Variants in YES1 observed in about 807,000 individuals in gnomAD.
YES1 encodes tyrosine-protein kinase Yes.
In YES1, 39 loss-of-function variants were observed where a neutral mutation model predicts 70.4. The ratio of observed to expected loss-of-function variants is 0.55; its 90% CI spans 0.43 to 0.72. YES1 has a LOEUF of 0.72. YES1 is among the 30% of genes least tolerant of loss of function. YES1 has a pLI of 0.00. For synonymous variants in YES1, 198 were observed against 218.6 expected (o/e 0.91, Z 0.83); for missense variants, 495 against 644.8 (o/e 0.77, Z 2.52).
chr18:729,289 C>A (rs2080058681), intron 11 of YES1, among the ~76,000 whole-genome samples: 2 of 152,042 alleles, frequency 1.3e-5, no homozygotes, highest in African/African-American at 4.8e-5. Context: ...GTGGCTCACG[C>A]CTGTAATCTC....
chr18:789,867 C>T (rs1906152602), intron 1 of YES1, among the ~76,000 whole-genome samples: 1 of 151,698 alleles, frequency 6.6e-6, no homozygotes, highest in South Asian at 2.1e-4. Flanking sequence ...TGAGACCAGT[C>T]TGATCAACGT....
At chr18:786,735 G>A (rs1416283638) in intron 1 of YES1, among the ~76,000 whole-genome samples, 1 of 152,084 alleles carries the variant, frequency 6.6e-6, no homozygotes, top group East Asian at 1.9e-4. Context: ...AGGATTTGCT[G>A]CACATCAAGT....
Position 725,631 on chromosome 18 carries a change from G to GT in YES1, c.1424-1000dup, listed in dbSNP as rs1175342593. On this transcript the variant is annotated intron_variant, in intron 11 of 11. Transcript: ENST00000314574. ...TGGCCGGGCACAGTGGCTCTCGTCT[G>GT]TAATCCTGGCGCTTTGGGAGGCCAA... is the stretch of plus-strand genomic sequence containing the variant. Among the ~76,000 whole-genome samples the GT allele has an allele frequency of 3.3e-5, 5 of 152,188 alleles. No homozygotes were observed. The East Asian group carries it at 9.7e-4, about 29-fold the overall frequency.
At chr18:727,888 G>C (rs2080040479) in intron 11 of YES1, among the ~76,000 whole-genome samples, 1 of 152,138 alleles carries the variant, frequency 6.6e-6, no homozygotes, top group South Asian at 2.1e-4. Context: ...CTGTCTGACT[G>C]TTGTTCCTGC....
chr18:725,808 C>T (rs868458490), intron 11 of YES1, among the ~76,000 whole-genome samples: 6 of 152,062 alleles, frequency 3.9e-5, no homozygotes, highest in Non-Finnish European at 5.9e-5. Context: ...ATCACTTGAA[C>T]GGGAGGCGGA....
At position 724,599 on chromosome 18, in the gene YES1, T is replaced by C; in HGVS notation, c.1457A>G (p.Glu486Gly). ...MVNREVLEQV[E>G]RGYRMPCPQG... ...AGGGCACGGCATCCTGTATCCTCGC[T>C]CCACTTGTTCTAATACTTCACGGTT... is the stretch of plus-strand genomic sequence containing the variant. Residue 486 changes from glutamate to glycine, a missense_variant, in exon 12 of 12, where the codon GAG becomes GGG. Physicochemically the swap from Glu to Gly is moderately conservative, Grantham distance 98 (BLOSUM62 -2). Coordinates refer to ENST00000314574, the MANE Select transcript of YES1 (RefSeq NM_005433.4). 3 of 1,614,146 alleles carry C rather than the reference T, an allele frequency of 1.9e-6. No homozygotes were observed. The highest frequency in any genetic ancestry group is 1.7e-6 in the Non-Finnish European group (2 of 1,180,004).
Position 763,035 on chromosome 18 carries a change from C to T in YES1, c.-8-6200G>A, listed in dbSNP as rs370316460. ...GAGCTTGGTCTTGAAGAGTTGGAGA[C>T]TTGGGGGAAAGAAAAGGATATTCCA... On this transcript the variant is annotated intron_variant, in intron 1 of 11. Transcript: ENST00000314574. Among the ~76,000 whole-genome samples the T allele has an allele frequency of 1.3e-4, 20 of 152,186 alleles. 1 individual carries two copies. Among genetic ancestry groups the T allele is most frequent in the South Asian group, 1.0e-3 (5 of 4,828 alleles).
In YES1 at chr18:727,275, T is replaced by C. The variant is rs2080032116; in HGVS notation, c.1424-2643A>G. ...TATTTCTTGCCTTAAAGTCTACTGC[T>C]ATCTAGGCTTTCTTCAGTTAGGATT... On this transcript the variant is annotated intron_variant, in intron 11 of 11. Coordinates refer to ENST00000314574, the MANE Select transcript of YES1 (RefSeq NM_005433.4). Among the ~76,000 whole-genome samples the C allele has an allele frequency of 2.0e-5, 3 of 152,216 alleles. No individual in the cohort carries two copies. The South Asian group carries it at 6.2e-4, about 32-fold the overall frequency.
At chr18:811,831 G>C (rs1206791029) in intron 1 of YES1, among the ~76,000 whole-genome samples, 1 of 152,146 alleles carries the variant, frequency 6.6e-6, no homozygotes, top group East Asian at 1.9e-4. Flanking sequence ...AAGGGGTGGG[G>C]AGTGTCCCCA....
At chr18:744,309 T>A (rs2080252038) in intron 6 of YES1, among the ~76,000 whole-genome samples, 1 of 152,074 alleles carries the variant, frequency 6.6e-6, no homozygotes, top group Non-Finnish European at 1.5e-5. Context: ...TCATTAAATG[T>A]TATTATCTAA....
intron 1 of YES1, 148 bp from the exon 2 acceptor site, chr18:756,983 G>C (rs1450068855): frequency 1.2e-6 from 1 of 800,166 alleles, no homozygotes; most frequent in African/African-American, 1.7e-5. Flanking sequence ...CTGAAAACGA[G>C]GTCTCTTCCC....
intron 11 of YES1, 97 bp downstream of exon 11, chr18:732,737 G>A: frequency 6.6e-7 from 1 of 1,504,018 alleles, no homozygotes; most frequent in Non-Finnish European, 9.2e-7. Flanking sequence ...ACTATGAGAA[G>A]AAATAAAGGC....
At chr18:803,734 G>A (rs1046125958) in intron 1 of YES1, among the ~76,000 whole-genome samples, 2 of 152,160 alleles carry the variant, frequency 1.3e-5, no homozygotes, top group African/African-American at 2.4e-5. Context: ...GAGGGTGACT[G>A]GCAAGGCTAC....
chr18:785,546 C>G (rs57321321), intron 1 of YES1, among the ~76,000 whole-genome samples: 8,656 of 152,058 alleles, frequency 0.057, 344 homozygotes, highest in East Asian at 0.13. Flanking sequence ...TTACATCCAG[C>G]CTGTTCAGAT....
At chr18:753,724 G>A (rs1279801003) in intron 2 of YES1, among the ~76,000 whole-genome samples, 1 of 152,176 alleles carries the variant, frequency 6.6e-6, no homozygotes, top group Admixed American at 6.5e-5. Context: ...GACCTCAAGT[G>A]ATCTACCTGA....
chr18:743,918 A>ATATAT (rs1455403158), intron 6 of YES1, among the ~76,000 whole-genome samples: 1 of 146,736 alleles, frequency 6.8e-6, no homozygotes, highest in African/African-American at 2.5e-5. Context: ...AAAAAAAAAA[A>ATATAT]ATATATATAT....
At chr18:734,911 G>A (rs541008178) in intron 10 of YES1, among the ~76,000 whole-genome samples, 23 of 152,150 alleles carry the variant, frequency 1.5e-4, no homozygotes, top group South Asian at 1.2e-3. Context: ...TAATCCCAGC[G>A]CTTTGGGAAG....
chr18:767,192 C>G (rs1904951751), intron 1 of YES1, among the ~76,000 whole-genome samples: 1 of 152,142 alleles, frequency 6.6e-6, no homozygotes, highest in South Asian at 2.1e-4. Flanking sequence ...TCTGGCTACT[C>G]TGGCTGGAGT....
intron 1 of YES1, among the ~76,000 whole-genome samples, chr18:781,607 T>C (rs1385111086): frequency 6.6e-6 from 1 of 152,246 alleles, no homozygotes; most frequent in East Asian, 1.9e-4. Context: ...TAGCTTAGCC[T>C]AGTGTTGGCT....
Sources: gnomAD v4.1 joint callset for allele counts (sites outside exome capture counted in the v4.1 genomes callset) on GRCh38, gnomAD v4.1.1 for gene constraint, MANE v1.5 for transcripts, NCBI Gene and HGNC (gene_info 2026-07-23, HGNC 2026-07-21) for gene names.